Variants in NMRK1 observed in about 807,000 individuals in gnomAD.
NMRK1 encodes nicotinamide riboside kinase 1, also known as NRK 1.
In NMRK1, 28 loss-of-function variants were observed where a neutral mutation model predicts 29.9. The observed-to-expected ratio is 0.94, with a 90% CI of 0.69 to 1.28. The LOEUF (loss-of-function observed/expected upper bound fraction) is 1.28, where lower values mean the gene tolerates loss of function less well. Among genes scored for constraint, NMRK1 ranks in the 50% most tolerant of loss-of-function variants. The pLI is 0.00. For missense variants in NMRK1, 218 were observed against 233.1 expected, an observed-to-expected ratio of 0.94 and a Z score of 0.42; for synonymous variants, 58 against 73.0, an observed-to-expected ratio of 0.79 and a Z score of 1.05.
intron 7 of NMRK1, chr9:75,067,335 TTGTGTGTG>T (rs3837219): frequency 1.3e-5 from 2 of 151,274 alleles, no homozygotes; most frequent in African/African-American, 4.9e-5. Context: ...GTGTGTATGT[TTGTGTGTG>T]TGTGTGTGTG....
intron 2 of NMRK1, chr9:75,078,273 C>T: frequency 1.3e-6 from 2 of 1,548,896 alleles, no homozygotes; most frequent in Admixed American, 2.0e-5. Flanking sequence ...TGTGATTTTG[C>T]CTCAAGGCAC....
chr9:75,079,659 C>CA (rs1824204528), intron 2 of NMRK1, among the ~76,000 whole-genome samples: 1 of 152,170 alleles, frequency 6.6e-6, no homozygotes, highest in South Asian at 2.1e-4. Context: ...GATCCACACT[C>CA]AGACTGCAGA....
At chr9:75,070,066 T>C (rs375347630) in intron 4 of NMRK1, 24 bp from the exon 5 acceptor site, 15 of 1,601,272 alleles carry the variant, frequency 9.4e-6, no homozygotes, top group Non-Finnish European at 1.0e-5. Context: ...CACAAAAATA[T>C]GCAATCAATA....
At chr9:75,077,310 CAAAG>C in intron 3 of NMRK1, 103 bp from the exon 4 acceptor site, 1 of 935,270 alleles carries the variant, frequency 1.1e-6, no homozygotes, top group South Asian at 1.5e-5. Context: ...TTTGGATGAT[CAAAG>C]AAAGATCAGC....
chr9:75,066,934 A>G, intron 7 of NMRK1, 94 bp from the exon 8 acceptor site: 1 of 722,988 alleles, frequency 1.4e-6, no homozygotes, highest in Non-Finnish European at 2.4e-6. Flanking sequence ...AAATGCCAAT[A>G]GGTTTAACCA....
At chr9:75,062,003 C>A (rs1174363203) in intron 8 of NMRK1, among the ~76,000 whole-genome samples, 2 of 152,150 alleles carry the variant, frequency 1.3e-5, no homozygotes, top group East Asian at 3.8e-4. Context: ...GATAAACCTA[C>A]CACATTCTTA....
rs78403255 is a variant in NMRK1, at chr9:75,084,272, G to A, written c.-35-1122C>T. On this transcript the variant is annotated intron_variant, in intron 1 of 8. Transcript: ENST00000361092. ...CTAGGCCGTGTAGCCAGGGGCAAGC[G>A]GCTGCCTGCCAAGCTGGAGGCTCCC... 1.1e-3 allele frequency among the ~76,000 whole-genome samples: 161 copies of A among 152,268 alleles called. 1 individual carries two copies. The East Asian group carries it at 0.021, about 20-fold the overall frequency.
At chr9:75,082,748 C>A in intron 2 of NMRK1, 1 of 286,918 alleles carries the variant, frequency 3.5e-6, no homozygotes, top group South Asian at 7.5e-5. Flanking sequence ...TAAGTTTTCT[C>A]CTCCATCGTG....
At chr9:75,086,663 G>C (rs1481536582) in intron 1 of NMRK1, among the ~76,000 whole-genome samples, 4 of 152,158 alleles carry the variant, frequency 2.6e-5, no homozygotes, top group Non-Finnish European at 4.4e-5. Context: ...CAGATTGTAC[G>C]AACTCTCTAA....
chr9:75,079,621 A>C (rs1482645791), intron 2 of NMRK1, among the ~76,000 whole-genome samples: 2 of 151,912 alleles, frequency 1.3e-5, no homozygotes, highest in Non-Finnish European at 2.9e-5. Context: ...AGAGGGGAGA[A>C]AAAGTATTTA....
At chr9:75,068,676 G>A (rs1020383577) in intron 7 of NMRK1, among the ~76,000 whole-genome samples, 4 of 152,196 alleles carry the variant, frequency 2.6e-5, no homozygotes, top group African/African-American at 9.7e-5. Flanking sequence ...GGCTTGGGCC[G>A]CTGGTATCTC....
chr9:75,062,552 C>T (rs567244472), intron 8 of NMRK1, among the ~76,000 whole-genome samples: 10 of 152,050 alleles, frequency 6.6e-5, no homozygotes, highest in African/African-American at 2.2e-4. Flanking sequence ...TATAAAGCTG[C>T]ATAAATATTA....
rs537617948 is a variant in NMRK1, at chr9:75,061,474, T to A, written c.*74A>T. 5.5e-5 allele frequency: 61 copies of A among 1,106,246 alleles called. 1 individual carries two copies. In the South Asian group the frequency reaches 8.0e-4, roughly 15 times the overall value. The allele number at this position is 1,106,246 out of a possible 1,614,324, so 68.5% of individuals were successfully genotyped here. ...TCATTGTACCACAGTATACATTGTA[T>A]CTTGGTGAAGGTTCTTAAATTACTC... On this transcript the variant is annotated 3_prime_UTR_variant, in exon 9 of 9. Transcript: ENST00000361092.
At chr9:75,075,132 T>C (rs1222910976) in intron 4 of NMRK1, among the ~76,000 whole-genome samples, 1 of 152,240 alleles carries the variant, frequency 6.6e-6, no homozygotes, top group African/African-American at 2.4e-5. Context: ...ACTTTTATTG[T>C]ACATTTATTA....
intron 4 of NMRK1, among the ~76,000 whole-genome samples, chr9:75,076,586 C>T (rs1275514238): frequency 6.6e-6 from 1 of 152,058 alleles, no homozygotes; most frequent in African/African-American, 2.4e-5. Flanking sequence ...TTTATTATTT[C>T]ATTTTAAAAA....
chr9:75,082,597 G>GA (rs1425884822), intron 2 of NMRK1: 1 of 155,162 alleles, frequency 6.4e-6, no homozygotes, highest in Admixed American at 6.5e-5. Flanking sequence ...ATGTTTGAGA[G>GA]AAAGAGAGGT....
At chr9:75,081,554 G>A (rs1208832489) in intron 2 of NMRK1, among the ~76,000 whole-genome samples, 1 of 152,196 alleles carries the variant, frequency 6.6e-6, no homozygotes, top group East Asian at 1.9e-4. Flanking sequence ...CTAGGTATAC[G>A]GCCCTGTATT....
At chr9:75,078,387 G>T in intron 2 of NMRK1, 2 of 1,565,212 alleles carry the variant, frequency 1.3e-6, no homozygotes, top group East Asian at 2.4e-5. Flanking sequence ...CTGGGGGCCA[G>T]CTGGGAGGTC....
intron 1 of NMRK1, among the ~76,000 whole-genome samples, chr9:75,086,365 C>T (rs1328580107): frequency 6.6e-6 from 1 of 152,232 alleles, no homozygotes; most frequent in African/African-American, 2.4e-5. Flanking sequence ...AGAATCCACA[C>T]CACCTTCAAT....
Sources: allele counts gnomAD v4.1 joint callset (sites outside exome capture counted in the v4.1 genomes callset), GRCh38; gene constraint gnomAD v4.1.1; transcripts MANE v1.5; gene names NCBI Gene and HGNC (gene_info 2026-07-23, HGNC 2026-07-21).